Variants in PDE1A observed in about 807,000 individuals in gnomAD.
The protein encoded by PDE1A is phosphodiesterase 1A, also known as dual specificity calcium/calmodulin-dependent 3',5'-cyclic nucleotide phosphodiesterase 1A.
A neutral mutation model predicts 61.7 loss-of-function variants in PDE1A; 35 were observed. That is an observed-to-expected ratio of 0.57 (90% confidence interval 0.43 to 0.75). PDE1A has a LOEUF of 0.75. Among genes scored for constraint, PDE1A ranks in the 30% least tolerant of loss-of-function variants. PDE1A has a pLI of 0.00. For missense variants in PDE1A, 597 were observed against 630.6 expected (o/e 0.95, Z 0.57); for synonymous variants, 232 against 213.2 (o/e 1.09, Z -0.77).
At chr2:182,185,562 G>C (rs1685131942) in intron 13 of PDE1A, among the ~76,000 whole-genome samples, 1 of 152,128 alleles carries the variant, frequency 6.6e-6, no homozygotes, top group East Asian at 1.9e-4. Context: ...GTAAAATCCA[G>C]GCTGGAAAGC....
intron 1 of PDE1A, among the ~76,000 whole-genome samples, chr2:182,373,431 T>C (rs1308793742): frequency 6.6e-6 from 1 of 152,200 alleles, no homozygotes; most frequent in East Asian, 1.9e-4. Context: ...CAACCACATA[T>C]CTTAGGTTCA....
At chr2:182,424,259 G>C (rs143588601) in intron 1 of PDE1A, among the ~76,000 whole-genome samples, 1 of 152,196 alleles carries the variant, frequency 6.6e-6, no homozygotes, top group African/African-American at 2.4e-5. Flanking sequence ...ATTTCTTAAT[G>C]ACTGAAATTT....
At chr2:182,676,943 C>T in the PDE1A span, among the ~76,000 whole-genome samples, 2 of 152,108 alleles carry the variant, frequency 1.3e-5, no homozygotes, top group South Asian at 4.1e-4. Context: ...CTATGACAGA[C>T]CCACAGCCAA....
the PDE1A span, among the ~76,000 whole-genome samples, chr2:182,569,273 A>ATATATATATATG: frequency 6.7e-6 from 1 of 150,278 alleles, no homozygotes; most frequent in African/African-American, 2.5e-5. Context: ...ATATATATAT[A>ATATATATATATG]TATGTATTTC....
chr2:182,163,225 C>T (rs1691482478), downstream of PDE1A, among the ~76,000 whole-genome samples: 1 of 152,196 alleles, frequency 6.6e-6, no homozygotes, highest in African/African-American at 2.4e-5. Context: ...CACATTAACA[C>T]ATCTGGTGCC....
the PDE1A span, among the ~76,000 whole-genome samples, chr2:182,669,841 C>T: frequency 5.9e-5 from 9 of 152,282 alleles, no homozygotes; most frequent in East Asian, 1.2e-3. Flanking sequence ...CCTGCGTGTG[C>T]GTTCTGAGCT....
At chr2:182,482,719 TAC>T (rs1258820556) in intron 2 of PDE1A, among the ~76,000 whole-genome samples, 1 of 151,970 alleles carries the variant, frequency 6.6e-6, no homozygotes, top group Non-Finnish European at 1.5e-5. Context: ...ATGGATATTT[TAC>T]AATAGTGGCA....
At chr2:182,205,243 A>G (rs1687000201) in intron 8 of PDE1A, among the ~76,000 whole-genome samples, 1 of 152,184 alleles carries the variant, frequency 6.6e-6, no homozygotes, top group East Asian at 1.9e-4. Flanking sequence ...AGATTCTATG[A>G]TTAATGAAGT....
chr2:182,238,277 A>AAAAAAAAAAAAAAAAAAAG (rs1199781414), intron 3 of PDE1A, among the ~76,000 whole-genome samples: 3 of 150,698 alleles, frequency 2.0e-5, no homozygotes, highest in Admixed American at 1.3e-4. Flanking sequence ...AAAAAAAAAA[A>AAAAAAAAAAAAAAAAAAAG]AAAAAGAAAA....
At chr2:182,267,600 C>G (rs1045041366) in intron 1 of PDE1A, among the ~76,000 whole-genome samples, 1 of 151,930 alleles carries the variant, frequency 6.6e-6, no homozygotes, top group African/African-American at 2.4e-5. Flanking sequence ...AAAGGAAAAC[C>G]TTTATATTGT....
At chr2:182,648,521 A>C in the PDE1A span, among the ~76,000 whole-genome samples, 3 of 150,040 alleles carry the variant, frequency 2.0e-5, no homozygotes, top group Non-Finnish European at 4.4e-5. Context: ...CAAAAAAAAA[A>C]AAAAAAAAAA....
At chr2:182,695,401 G>C in the PDE1A span, among the ~76,000 whole-genome samples, 6 of 152,110 alleles carry the variant, frequency 3.9e-5, no homozygotes, top group Admixed American at 3.3e-4. Context: ...GTGTGGACAT[G>C]TCTGAGAGTT....
chr2:182,297,383 G>A (rs970111539), intron 1 of PDE1A, among the ~76,000 whole-genome samples: 1 of 151,974 alleles, frequency 6.6e-6, no homozygotes, highest in Admixed American at 6.6e-5. Context: ...AAAAAAACAA[G>A]AGCTATTTTT....
chr2:182,198,928 T>C (rs1348367834), intron 10 of PDE1A, among the ~76,000 whole-genome samples: 4 of 151,990 alleles, frequency 2.6e-5, no homozygotes, highest in Non-Finnish European at 4.4e-5. Flanking sequence ...TCAATTGAAT[T>C]GAATATTGAG....
the PDE1A span, among the ~76,000 whole-genome samples, chr2:182,551,691 T>C: frequency 6.6e-6 from 1 of 152,136 alleles, no homozygotes; most frequent in South Asian, 2.1e-4. Context: ...GCACTTTCTG[T>C]GGTGACCGGT....
chr2:182,399,416 T>A (rs1446573122), intron 1 of PDE1A, among the ~76,000 whole-genome samples: 1 of 151,990 alleles, frequency 6.6e-6, no homozygotes, highest in Non-Finnish European at 1.5e-5. Flanking sequence ...CCCCGGAAAC[T>A]CCTGATATGC....
chr2:182,382,533 G>T (rs535423038), intron 1 of PDE1A, among the ~76,000 whole-genome samples: 88 of 152,246 alleles, frequency 5.8e-4, no homozygotes, highest in African/African-American at 2.0e-3. Flanking sequence ...TTTCATTCTT[G>T]TGATATTCCA....
chr2:182,665,393 C>T, the PDE1A span, among the ~76,000 whole-genome samples: 49 of 152,156 alleles, frequency 3.2e-4, no homozygotes, highest in Non-Finnish European at 5.4e-4. Context: ...ATAACCCCAT[C>T]AAAAAGTGGA....
At chr2:182,626,880 TATAC>T in the PDE1A span, among the ~76,000 whole-genome samples, 7 of 41,650 alleles carry the variant, frequency 1.7e-4, no homozygotes, top group South Asian at 1.9e-3. Flanking sequence ...TACATATATA[TATAC>T]ACATATATAT....
Sources: allele counts gnomAD v4.1 joint callset (sites outside exome capture counted in the v4.1 genomes callset), GRCh38; gene constraint gnomAD v4.1.1; transcripts MANE v1.5; gene names NCBI Gene and HGNC (gene_info 2026-07-23, HGNC 2026-07-21).